Variants in RASGRF1 observed in about 807,000 individuals in gnomAD.
RASGRF1 encodes ras-specific guanine nucleotide-releasing factor 1.
In RASGRF1, 40 loss-of-function variants were observed where a neutral mutation model predicts 138.7. The ratio of observed to expected loss-of-function variants is 0.29; its 90% CI spans 0.22 to 0.38. The LOEUF (loss-of-function observed/expected upper bound fraction) is 0.38. RASGRF1 is among the 10% of genes least tolerant of loss of function. RASGRF1 has a pLI of 1.00. For missense variants in RASGRF1, 1,108 were observed against 1,650.4 expected, an observed-to-expected ratio of 0.67 and a Z score of 5.69; for synonymous variants, 614 against 663.2, an observed-to-expected ratio of 0.93 and a Z score of 1.14.
chr15:78,972,058 C>T, intron 25 of RASGRF1, 124 bp from the exon 26 acceptor site: 1 of 860,480 alleles, frequency 1.2e-6, no homozygotes, highest in Non-Finnish European at 2.0e-6. Context: ...ATACATGTTG[C>T]CTCCTGGAAG....
At chr15:79,012,579 G>A in intron 13 of RASGRF1, 2 of 1,611,752 alleles carry the variant, frequency 1.2e-6, no homozygotes, top group East Asian at 2.2e-5. Context: ...CCTTGAAGTT[G>A]TAAGTTTAAT....
At chr15:78,998,939 C>A in intron 17 of RASGRF1, 114 bp from the exon 18 acceptor site, 1 of 753,172 alleles carries the variant, frequency 1.3e-6, no homozygotes, top group Non-Finnish European at 2.4e-6. Context: ...GTGAGGGGGT[C>A]ATGGGCAGGG....
chr15:79,059,981 CAG>C lies in RASGRF1; in HGVS notation c.384-1502_384-1501del, dbSNP rs1567596668. Among the ~76,000 whole-genome samples the C allele has an allele frequency of 3.9e-3, 33 of 8,434 alleles. 1 individual carries two copies. Among genetic ancestry groups the C allele is most frequent in the African/African-American group, 0.019 (33 of 1,694 alleles). 5.5% of individuals were successfully genotyped at this position (8,434 alleles called of 152,430 possible). A position where few individuals can be genotyped will look rare whatever the true frequency, so the allele number is the denominator to read the frequency against. ...TGATACACTCACACACACACACACA[CAG>C]ACACACAGACACACACACACACACA... On this transcript the variant is annotated intron_variant, in intron 2 of 26. Coordinates refer to ENST00000558480, the MANE Select transcript of RASGRF1 (RefSeq NM_001145648.3).
chr15:79,048,221 G>C (rs1276229671), intron 4 of RASGRF1, among the ~76,000 whole-genome samples: 1 of 152,200 alleles, frequency 6.6e-6, no homozygotes. Flanking sequence ...AATGCCTGTG[G>C]GGCCCTGGCA....
At chr15:79,013,913 T>C (rs981807081) in intron 13 of RASGRF1, among the ~76,000 whole-genome samples, 1 of 152,204 alleles carries the variant, frequency 6.6e-6, no homozygotes, top group Admixed American at 6.5e-5. Flanking sequence ...ATGTTCTATA[T>C]ATTCATTTTT....
chr15:79,072,236 A>C (rs1017105498), intron 1 of RASGRF1, among the ~76,000 whole-genome samples: 1 of 94,572 alleles, frequency 1.1e-5, no homozygotes, highest in Non-Finnish European at 2.3e-5. Flanking sequence ...TGGAGCAGTT[A>C]GGGGGTTTCT....
Position 79,042,109 on chromosome 15 carries a change from C to T in RASGRF1, c.878+4637G>A, listed in dbSNP as rs117056300. Among the ~76,000 whole-genome samples, 7 of 152,316 alleles carry T rather than the reference C, an allele frequency of 4.6e-5. No individual in the cohort carries two copies. The East Asian group carries it at 1.4e-3, about 29-fold the overall frequency. On this transcript the variant is annotated intron_variant, in intron 5 of 26. Transcript: ENST00000558480. Reference sequence around the variant, plus strand: ...TGAACAAAGCCTGCTGCAAATGTTTCGTTCAAAGATCTTTTCCCCCCTATT... The same window carrying T: ...TGAACAAAGCCTGCTGCAAATGTTTTGTTCAAAGATCTTTTCCCCCCTATT...
intron 19 of RASGRF1, chr15:78,997,842 A>G (rs56002879): frequency 0.13 from 67,343 of 508,940 alleles, 5,173 homozygotes; most frequent in Non-Finnish European, 0.16. Context: ...CACATGGAGA[A>G]GTGTGCTGGG....
At chr15:79,058,536 C>A in intron 2 of RASGRF1, 55 bp from the exon 3 acceptor site, 1 of 1,596,726 alleles carries the variant, frequency 6.3e-7, no homozygotes, top group Admixed American at 1.7e-5. Context: ...CTCTGGCGAA[C>A]CAAGCAGGGC....
chr15:79,019,242 C>A (rs2056924463), intron 11 of RASGRF1, among the ~76,000 whole-genome samples: 1 of 152,166 alleles, frequency 6.6e-6, no homozygotes, highest in African/African-American at 2.4e-5. Flanking sequence ...CAGGGCAGGG[C>A]ATCCAGAGAC....
rs2055814600 is a variant in RASGRF1 at position 78,973,563 on chromosome 15, T to G, written c.3495-143A>C. 1 of 618,744 alleles carries G rather than the reference T, an allele frequency of 1.6e-6. No homozygotes were observed. The highest frequency in any genetic ancestry group is 1.9e-5 in the African/African-American group (1 of 53,712). The allele number at this position is 618,744 out of a possible 1,614,324, so 38.3% of individuals were successfully genotyped here. On this transcript the variant is annotated intron_variant, in intron 24 of 26. Coordinates refer to ENST00000558480, the MANE Select transcript of RASGRF1 (RefSeq NM_001145648.3). The surrounding 1 kb of genome is among the most constrained non-coding windows in gnomAD (Gnocchi z 4.9). ...CAAGAATCACACTACACTCTAGAAC[T>G]GACTATTCTACACGCCCAGGACTGT...
chr15:78,971,988 C>A (rs2055770441), intron 25 of RASGRF1, 54 bp from the exon 26 acceptor site: 12 of 1,469,188 alleles, frequency 8.2e-6, no homozygotes, highest in African/African-American at 1.4e-5. Flanking sequence ...AGTTCCACCC[C>A]CAACTTTGCA....
At chr15:79,039,571 A>C (rs1419358011) in intron 5 of RASGRF1, among the ~76,000 whole-genome samples, 1 of 152,156 alleles carries the variant, frequency 6.6e-6, no homozygotes, top group Non-Finnish European at 1.5e-5. Context: ...TATTACATTA[A>C]ATTTACAGAA....
chr15:79,051,551 T>C (rs1401004057), intron 3 of RASGRF1, among the ~76,000 whole-genome samples: 1 of 152,232 alleles, frequency 6.6e-6, no homozygotes, highest in East Asian at 1.9e-4. Context: ...ATGCTTTCTT[T>C]GCCAGTTTTG....
At chr15:79,068,188 G>A (rs1338957125) in intron 1 of RASGRF1, among the ~76,000 whole-genome samples, 2 of 152,164 alleles carry the variant, frequency 1.3e-5, no homozygotes, top group East Asian at 1.9e-4. Context: ...GGTGTGAGGT[G>A]TCTCTGGGAT....
chr15:79,044,974 A>T (rs1471302832), intron 5 of RASGRF1, among the ~76,000 whole-genome samples: 3 of 152,244 alleles, frequency 2.0e-5, no homozygotes, highest in Non-Finnish European at 4.4e-5. Context: ...ACGAAAAGGT[A>T]ACAAACACAA....
At chr15:79,005,455 A>T in intron 14 of RASGRF1, 10 of 985,386 alleles carry the variant, frequency 1.0e-5, no homozygotes, top group Non-Finnish European at 1.2e-5. Context: ...CACAACTGGG[A>T]TCTGGGTAGG....
At chr15:79,058,206 T>G in intron 3 of RASGRF1, 128 bp downstream of exon 3, 1 of 1,382,908 alleles carries the variant, frequency 7.2e-7, no homozygotes, top group Non-Finnish European at 9.8e-7. Flanking sequence ...GTCCTAAGTT[T>G]GGAGTCTGGA....
At chr15:79,068,988 C>G (rs534552444) in intron 1 of RASGRF1, among the ~76,000 whole-genome samples, 3 of 152,042 alleles carry the variant, frequency 2.0e-5, no homozygotes, top group African/African-American at 7.2e-5. Flanking sequence ...CAGGCCTGGC[C>G]GGGCTTAGGC....
Sources: gnomAD v4.1 joint callset for allele counts (sites outside exome capture counted in the v4.1 genomes callset) on GRCh38, gnomAD v4.1.1 for gene constraint, Gnocchi (gnomAD v3.1) non-coding constraint, MANE v1.5 for transcripts, NCBI Gene and HGNC (gene_info 2026-07-23, HGNC 2026-07-21) for gene names.